The following LYST variants were observed in gnomAD, a reference collection of about 807,000 sequenced individuals.
The protein encoded by LYST is lysosomal trafficking regulator.
In LYST, 192 loss-of-function variants were observed where a neutral mutation model predicts 413.6. The ratio of observed to expected loss-of-function variants is 0.46; its 90% confidence interval spans 0.41 to 0.52. The LOEUF (loss-of-function observed/expected upper bound fraction) is 0.52, where lower values mean the gene tolerates loss of function less well. Ranked by LOEUF, LYST falls within the 20% of genes least tolerant of loss-of-function variation. The pLI is 0.00. For missense variants in LYST, 3,815 were observed against 4,499.9 expected, an observed-to-expected ratio of 0.85 and a Z score of 4.35; for synonymous variants, 1,525 against 1,567.3, an observed-to-expected ratio of 0.97 and a Z score of 0.64.
chr1:235,873,009 C>G (rs988752208), intron 1 of LYST, among the ~76,000 whole-genome samples: 3 of 152,116 alleles, frequency 2.0e-5, no homozygotes, highest in Non-Finnish European at 4.4e-5. Context: ...TATGGCTTGC[C>G]TTAGAGTTTC....
chr1:235,675,312 T>C (rs2103031883), intron 50 of LYST, among the ~76,000 whole-genome samples: 1 of 152,314 alleles, frequency 6.6e-6, no homozygotes, highest in East Asian at 1.9e-4. Context: ...GCAAACTGCA[T>C]GTTTATCATA....
chr1:235,793,631 G>T lies in LYST; in HGVS notation c.4007-19C>A. ...TGGCATGCTAAATTAAAGAAAGAGG[G>T]AAAAAATTAAAGCTAGTACACAATT... On this transcript the variant is annotated intron_variant, in intron 10 of 52. Transcript: ENST00000389793. The T allele has an allele frequency of 7.3e-7, 1 of 1,365,436 alleles. No homozygotes were observed. The highest frequency in any genetic ancestry group is 1.0e-6 in the Non-Finnish European group (1 of 955,984). The allele number at this position is 1,365,436 out of a possible 1,614,324, so 84.6% of individuals were successfully genotyped here.
At position 235,712,314 on chromosome 1, in the gene LYST, T is replaced by C. The variant is rs539687460; in HGVS notation, c.9785-117A>G. 79 of 757,120 alleles carry C rather than the reference T, an allele frequency of 1.0e-4. 1 individual carries two copies. The South Asian group carries it at 1.4e-3, about 14-fold the overall frequency. The allele number at this position is 757,120 out of a possible 1,614,324, so 46.9% of individuals were successfully genotyped here. On this transcript the variant is annotated intron_variant, in intron 42 of 52. Coordinates refer to ENST00000389793, the MANE Select transcript of LYST (RefSeq NM_000081.4). ...AGATTAAAATAATGCTAATTTTGTT[T>C]GCCCATAGTTTAAAAGAAGTTATTC...
At chr1:235,740,467 C>T (rs558954990) in intron 31 of LYST, among the ~76,000 whole-genome samples, 3 of 152,188 alleles carry the variant, frequency 2.0e-5, no homozygotes, top group Non-Finnish European at 4.4e-5. Flanking sequence ...TGAATTCTAT[C>T]GTCATATCTT....
chr1:235,858,809 A>T (rs1229902640), intron 1 of LYST, among the ~76,000 whole-genome samples: 1 of 152,034 alleles, frequency 6.6e-6, no homozygotes, highest in Non-Finnish European at 1.5e-5. Flanking sequence ...GGGGTGGGGA[A>T]GGGGAGTGGT....
chr1:235,799,169 T>C (rs181365093), intron 10 of LYST, among the ~76,000 whole-genome samples: 182 of 152,308 alleles, frequency 1.2e-3, no homozygotes, highest in African/African-American at 4.3e-3. Context: ...TTCCTTACAG[T>C]ACAATCTCAG....
chr1:235,663,083 A>T lies in LYST; in HGVS notation c.11268-5T>A, dbSNP rs1253597403. ...CCATCACAAGAAAATGTAAGGCTGT[A>T]AAAAAAAAAAAATTCCCATTTGTAC... On this transcript the variant is annotated splice_polypyrimidine_tract_variant and splice_region_variant and intron_variant, in intron 52 of 52. Coordinates refer to ENST00000389793, the MANE Select transcript of LYST (RefSeq NM_000081.4). 3 of 162,274 alleles carry T rather than the reference A, an allele frequency of 1.8e-5. No individual in the cohort carries two copies. The African/African-American group carries it at 1.3e-3, about 73-fold the overall frequency. The allele number at this position is 162,274 out of a possible 1,614,324, so 10.1% of individuals were successfully genotyped here.
rs142845103 is a variant in LYST, at chr1:235,810,082, C to T, written c.736G>A (p.Val246Ile). The T allele has an allele frequency of 6.2e-7, 1 of 1,614,010 alleles. No homozygotes were observed. The highest frequency in any genetic ancestry group is 8.5e-7 in the Non-Finnish European group (1 of 1,179,912). Residue 246 changes from valine to isoleucine, a missense_variant, in exon 5 of 53, where the codon GTT (valine) becomes ATT (isoleucine). By Grantham distance (29) the Val-to-Ile change is conservative. Transcript: ENST00000389793. ...GGAGAATTGTTCATGTTACTGATAA[C>T]AGACAAGGCAGCTGGCTCACTTAAA... Reference protein sequence around the residue: ...DILSEPAALSVISNMNNSPFD... With the variant: ...DILSEPAALSIISNMNNSPFD...
chr1:235,805,976 T>C lies in LYST; in HGVS notation c.3160A>G (p.Ser1054Gly), dbSNP rs886046179. ...KSDPIPSELG[S>G]LKKSADSLGK... ...AAACTGTCAGCACTCTTTTTTAGACTACCTAGTTCTGATGGTATGGGGTCA... is the reference window on the plus strand; with the variant it reads ...AAACTGTCAGCACTCTTTTTTAGACCACCTAGTTCTGATGGTATGGGGTCA... Residue 1054 changes from serine to glycine, a missense_variant, in exon 6 of 53, where the codon AGT becomes GGT. Physicochemically the swap from Ser to Gly is moderately conservative, Grantham distance 56. Transcript: ENST00000389793. The C allele has an allele frequency of 6.2e-7, 1 of 1,613,350 alleles. No homozygotes were observed. The highest frequency in any genetic ancestry group is 8.5e-7 in the Non-Finnish European group (1 of 1,179,320).
intron 42 of LYST, 74 bp downstream of exon 42, chr1:235,715,127 C>T (rs1169653840): frequency 1.7e-6 from 2 of 1,190,378 alleles, no homozygotes; most frequent in East Asian, 2.4e-5. Context: ...AAATGTCAGT[C>T]CTAAGTTGTT....
At chr1:235,683,566 A>G (rs1227739891) in intron 48 of LYST, among the ~76,000 whole-genome samples, 1 of 152,238 alleles carries the variant, frequency 6.6e-6, no homozygotes, top group East Asian at 1.9e-4. Flanking sequence ...GTGCTTCAAC[A>G]GAAACTTACG....
rs1348966605 is a variant in LYST at position 235,720,762 on chromosome 1, A to C, written c.9459T>G (p.Ala3153=). ...GCATGAGATCATTGAAGGATCGGCCAGCATGTTTGTTTAAGTGAGTCAAAT... is the reference window on the plus strand; with the variant it reads ...GCATGAGATCATTGAAGGATCGGCCCGCATGTTTGTTTAAGTGAGTCAAAT... ...FEYLTHLNKH[A]GRSFNDLMQY... Residue 3153 remains alanine, a synonymous_variant, in exon 40 of 53, where the codon GCT becomes GCG. Transcript: ENST00000389793. The C allele has an allele frequency of 6.2e-7, 1 of 1,614,166 alleles. No individual in the cohort carries two copies. Among genetic ancestry groups the C allele is most frequent in the Admixed American group, 1.7e-5 (1 of 60,034 alleles).
At chr1:235,751,510 A>G in intron 27 of LYST, 148 bp from the exon 28 acceptor site, 2 of 682,410 alleles carry the variant, frequency 2.9e-6, no homozygotes, top group Non-Finnish European at 4.9e-6. Flanking sequence ...ACATTTTTAA[A>G]TTCTTGTTAA....
In LYST at chr1:235,686,228, G is replaced by A. The variant is rs1174203163; in HGVS notation, c.10800+721C>T. 1.3e-5 allele frequency among the ~76,000 whole-genome samples: 2 copies of A among 152,132 alleles called. No individual in the cohort carries two copies. The highest frequency in any genetic ancestry group is 6.5e-5 in the Admixed American group (1 of 15,282). ...CTAAAACTACAAAACTTGGCCGGGC[G>A]TGGTGGCACATGCCTGTGGTCCCAG... On this transcript the variant is annotated intron_variant, in intron 48 of 52. Transcript: ENST00000389793. This position sits in a 1 kb window ranked among gnomAD's most constrained non-coding sequence, Gnocchi z 4.0.
chr1:235,800,650 T>C (rs1363270079), intron 9 of LYST, among the ~76,000 whole-genome samples: 1 of 152,234 alleles, frequency 6.6e-6, no homozygotes, highest in Non-Finnish European at 1.5e-5. Flanking sequence ...GATGAGGATT[T>C]ACTACTGGCT....
chr1:235,841,387 G>A (rs971261877), intron 1 of LYST, among the ~76,000 whole-genome samples: 3 of 152,148 alleles, frequency 2.0e-5, no homozygotes, highest in Non-Finnish European at 2.9e-5. Flanking sequence ...AGAAATAAGA[G>A]GTGGTGCGGC....
At chr1:235,715,470 T>G (rs1326972315) in intron 41 of LYST, 113 bp from the exon 42 acceptor site, 1 of 996,068 alleles carries the variant, frequency 1.0e-6, no homozygotes, top group East Asian at 2.6e-5. Context: ...GAGGCCATTC[T>G]CCATGGCTGG....
At chr1:235,693,306 C>T (rs1340233403) in intron 47 of LYST, 44 bp downstream of exon 47, 2 of 1,443,730 alleles carry the variant, frequency 1.4e-6, no homozygotes, top group Non-Finnish European at 1.9e-6. Flanking sequence ...CAGAGTGAGA[C>T]TCCGTCTTAA....
chr1:235,686,540 A>G lies in LYST; in HGVS notation c.10800+409T>C, dbSNP rs184829891. Among the ~76,000 whole-genome samples the G allele has an allele frequency of 2.2e-4, 33 of 152,348 alleles. No homozygotes were observed. Among genetic ancestry groups the G allele is most frequent in the African/African-American group, 7.9e-4 (33 of 41,584 alleles). ...TTCTTCCAGTAAGTGGTACAAATCC[A>G]GACAGACTACTTAGATTTTGCTGTC... On this transcript the variant is annotated intron_variant, in intron 48 of 52. Transcript: ENST00000389793. The surrounding 1 kb of genome is among the most constrained non-coding windows in gnomAD (Gnocchi z 4.0).
Sources: allele counts gnomAD v4.1 joint callset (sites outside exome capture counted in the v4.1 genomes callset), GRCh38; gene constraint gnomAD v4.1.1; non-coding constraint Gnocchi (gnomAD v3.1); transcripts MANE v1.5; gene names NCBI Gene and HGNC (gene_info 2026-07-23, HGNC 2026-07-21).